GORASP2: variants seen among roughly 807,000 people sequenced by gnomAD.
GORASP2 encodes the protein golgi reassembly stacking protein 2.
A neutral mutation model predicts 45.7 loss-of-function variants in GORASP2; 22 were observed. The ratio of observed to expected loss-of-function variants is 0.48; its 90% CI spans 0.34 to 0.69. The LOEUF (loss-of-function observed/expected upper bound fraction) is 0.69. GORASP2 is among the 30% of genes least tolerant of loss of function. The probability of loss-of-function intolerance (pLI) is 0.01; values close to 1 mark genes in which losing one functional copy is unlikely to be tolerated. For missense variants in GORASP2, 491 were observed against 562.7 expected (o/e 0.87, Z 1.29); for synonymous variants, 221 against 215.6 (o/e 1.02, Z -0.22).
At chr2:170,931,092 C>T (rs1286779505) in intron 1 of GORASP2, among the ~76,000 whole-genome samples, 2 of 151,688 alleles carry the variant, frequency 1.3e-5, no homozygotes, top group East Asian at 1.9e-4. Context: ...TAAGTGCAGT[C>T]AAGTGAAACA....
Position 170,929,394 on chromosome 2 carries a change from C to T in GORASP2, c.54C>T (p.His18=). 2 of 1,418,844 alleles carry T rather than the reference C, an allele frequency of 1.4e-6. No individual in the cohort carries two copies. The highest frequency in any genetic ancestry group is 1.8e-6 in the Non-Finnish European group (2 of 1,084,818). The allele number at this position is 1,418,844 out of a possible 1,614,324, so 87.9% of individuals were successfully genotyped here. A position where few individuals can be genotyped will look rare whatever the true frequency, so the allele number is the denominator to read the frequency against. Residue 18 remains histidine (H), a synonymous_variant, in exon 1 of 10, where the codon CAC becomes CAT. Coordinates refer to ENST00000234160, the MANE Select transcript of GORASP2 (RefSeq NM_015530.5). ...CGGGCGGGGGCACCGAGGGCTACCA[C>T]GTTCTGCGGGTAAGGGCTCCGACGG... ...EIPGGGTEGY[H]VLRVQENSPG...
At position 170,951,389 on chromosome 2, in the gene GORASP2, A is replaced by G; in HGVS notation, c.497A>G (p.Tyr166Cys). 6.2e-7 allele frequency: 1 copy of G among 1,606,146 alleles called. No homozygotes were observed. The highest frequency in any genetic ancestry group is 8.5e-7 in the Non-Finnish European group (1 of 1,173,174). Reference protein sequence around the residue: ...HEAKPLKLYVYNTDTDNCREV... With the variant: ...HEAKPLKLYVCNTDTDNCREV... Reference sequence around the variant, plus strand: ...GCAAAACCATTGAAACTGTATGTGTACAACACAGACACTGATAACTGTCGA... The same window carrying G: ...GCAAAACCATTGAAACTGTATGTGTGCAACACAGACACTGATAACTGTCGA... Residue 166 changes from tyrosine to cysteine, a missense_variant, in exon 5 of 10, where the codon TAC becomes TGC. Physicochemically the swap from Tyr to Cys is radical, Grantham distance 194. This residue lies in a region of GORASP2 where 194 missense variants were observed against 270.4 expected (regional missense o/e 0.72). Transcript: ENST00000234160.
At chr2:170,960,727 G>A (rs1055890734) in intron 7 of GORASP2, among the ~76,000 whole-genome samples, 5 of 152,186 alleles carry the variant, frequency 3.3e-5, no homozygotes, top group Non-Finnish European at 7.3e-5. Context: ...TATGCAGTCT[G>A]GGATCCAGTA....
At chr2:170,928,781 T>G (rs570489048), upstream of GORASP2, 1 of 152,400 alleles carries the variant, frequency 6.6e-6, no homozygotes, top group South Asian at 2.1e-4. Flanking sequence ...AAAATTTAGC[T>G]GAGCAGATGC....
intron 1 of GORASP2, among the ~76,000 whole-genome samples, chr2:170,934,234 A>G (rs1330636885): frequency 1.4e-5 from 2 of 144,692 alleles, no homozygotes; most frequent in Non-Finnish European, 3.1e-5. Context: ...CAAACTTTTG[A>G]AACTCATACC....
At chr2:170,965,682 C>A in intron 9 of GORASP2, 108 bp from the exon 10 acceptor site, 1 of 806,092 alleles carries the variant, frequency 1.2e-6, no homozygotes, top group Non-Finnish European at 2.1e-6. Flanking sequence ...GTGTTACCTC[C>A]TCAACTTCAG....
intron 1 of GORASP2, among the ~76,000 whole-genome samples, chr2:170,933,999 A>G (rs1008983037): frequency 6.6e-6 from 1 of 152,188 alleles, no homozygotes; most frequent in African/African-American, 2.4e-5. Flanking sequence ...AGAAAATGCA[A>G]TGCCTACACC....
chr2:170,958,652 T>C (rs935837740), intron 7 of GORASP2, among the ~76,000 whole-genome samples: 5 of 124,400 alleles, frequency 4.0e-5, no homozygotes, highest in Non-Finnish European at 6.5e-5. Flanking sequence ...TTCCAGATGC[T>C]CTTTTTTTTT....
chr2:170,954,410 C>T, intron 5 of GORASP2: 1 of 448,100 alleles, frequency 2.2e-6, no homozygotes, highest in East Asian at 3.8e-5. Flanking sequence ...GGGTGATATC[C>T]ACAGTGGAGG....
chr2:170,965,086 C>CT (rs925594109), intron 9 of GORASP2, among the ~76,000 whole-genome samples: 4 of 150,378 alleles, frequency 2.7e-5, no homozygotes, highest in African/African-American at 4.9e-5. Context: ...AATTTTTGTA[C>CT]TTTTTTTTAG....
intron 1 of GORASP2, among the ~76,000 whole-genome samples, chr2:170,931,178 T>A (rs893786167): frequency 6.6e-6 from 1 of 152,200 alleles, no homozygotes; most frequent in African/African-American, 2.4e-5. Context: ...AGGGACAACC[T>A]TAGTTACCAA....
intron 1 of GORASP2, among the ~76,000 whole-genome samples, chr2:170,945,851 T>C (rs1000522405): frequency 2.6e-4 from 39 of 152,250 alleles, no homozygotes; most frequent in African/African-American, 9.2e-4. Context: ...TTAAAATGAC[T>C]TGTTACTGTA....
intron 7 of GORASP2, among the ~76,000 whole-genome samples, chr2:170,961,097 T>C (rs1010817536): frequency 2.0e-5 from 3 of 152,226 alleles, no homozygotes; most frequent in African/African-American, 7.2e-5. Flanking sequence ...TGTGTTAGAC[T>C]TCAAAGGACT....
At chr2:170,961,242 C>T (rs1704552497) in intron 7 of GORASP2, among the ~76,000 whole-genome samples, 1 of 152,256 alleles carries the variant, frequency 6.6e-6, no homozygotes, top group African/African-American at 2.4e-5. Flanking sequence ...CTAGCATTCA[C>T]TGTTTCACAG....
chr2:170,940,979 AT>A (rs1207647234), intron 1 of GORASP2, among the ~76,000 whole-genome samples: 1 of 152,150 alleles, frequency 6.6e-6, no homozygotes, highest in Non-Finnish European at 1.5e-5. Flanking sequence ...CTAATCATTG[AT>A]GCAAATTTCT....
intron 6 of GORASP2, among the ~76,000 whole-genome samples, chr2:170,955,302 A>G (rs1704399403): frequency 6.6e-6 from 1 of 152,174 alleles, no homozygotes; most frequent in South Asian, 2.1e-4. Flanking sequence ...TGAATAGGTG[A>G]AAAGGTGCTG....
intron 8 of GORASP2, among the ~76,000 whole-genome samples, chr2:170,962,597 G>T (rs986672748): frequency 1.2e-4 from 19 of 152,160 alleles, no homozygotes; most frequent in African/African-American, 4.6e-4. Flanking sequence ...AAGAGTATTA[G>T]TTATTTATTT....
At chr2:170,932,377 T>C (rs1358130104) in intron 1 of GORASP2, among the ~76,000 whole-genome samples, 1 of 152,270 alleles carries the variant, frequency 6.6e-6, no homozygotes, top group Non-Finnish European at 1.5e-5. Flanking sequence ...ATCTGCTTCA[T>C]GCTTTCAGTT....
intron 1 of GORASP2, among the ~76,000 whole-genome samples, chr2:170,936,001 C>T (rs964650833): frequency 6.6e-6 from 1 of 152,150 alleles, no homozygotes; most frequent in African/African-American, 2.4e-5. Flanking sequence ...GTAGAGTGTA[C>T]AACACTGATT....
Sources: allele counts gnomAD v4.1 joint callset (sites outside exome capture counted in the v4.1 genomes callset), GRCh38; gene constraint gnomAD v4.1.1; regional missense constraint gnomAD v4.1.1; transcripts MANE v1.5; gene names NCBI Gene and HGNC (gene_info 2026-07-23, HGNC 2026-07-21).